RYR2: variants seen among roughly 807,000 people sequenced by gnomAD.
RYR2 encodes the protein cardiac muscle ryanodine receptor-calcium release channel.
Under a neutral mutation model 601.1 loss-of-function variants are expected in RYR2, and 227 were observed. The observed-to-expected ratio is 0.38, with a 90% confidence interval of 0.34 to 0.42. The LOEUF (loss-of-function observed/expected upper bound fraction) is 0.42, where lower values mean the gene tolerates loss of function less well. Ranked by LOEUF, RYR2 falls within the 10% of genes least tolerant of loss-of-function variation. The pLI is 1.00. For missense variants in RYR2, 4,646 were observed against 6,156.5 expected (o/e 0.75, Z 8.21); for synonymous variants, 2,223 against 2,175.1 (o/e 1.02, Z -0.61).
Position 237,614,460 on chromosome 1 carries a change from T to G in RYR2, c.5332T>G (p.Tyr1778Asp), listed in dbSNP as rs2148595965. 1 of 1,614,028 alleles carries G rather than the reference T, an allele frequency of 6.2e-7. No individual in the cohort carries two copies. Among genetic ancestry groups the G allele is most frequent in the African/African-American group, 1.3e-5 (1 of 75,038 alleles). Residue 1778 changes from tyrosine (Y) to aspartate (D), a missense_variant, in exon 37 of 105, where the codon TAC (tyrosine) becomes GAC (aspartate). Tyr to Asp is a radical substitution (Grantham distance 160). Transcript: ENST00000366574. This position sits in a 1 kb window ranked among gnomAD's most constrained non-coding sequence, Gnocchi z 4.3. ...AAGCATTAGTAATGAATGTTACCAGTACAGTCCAGAGTTCCCACTGGACAT... is the reference window on the plus strand; with the variant it reads ...AAGCATTAGTAATGAATGTTACCAGGACAGTCCAGAGTTCCCACTGGACAT... ...FVSISNECYQ[Y>D]SPEFPLDILK...
chr1:237,454,699 T>G, intron 15 of RYR2, 125 bp downstream of exon 15: 1 of 828,380 alleles, frequency 1.2e-6, no homozygotes, highest in Non-Finnish European at 1.9e-6. Context: ...GAAAGTATAC[T>G]ACTGAACAGG....
chr1:237,050,774 TGGGATATTG>T (rs1407013172), intron 1 of RYR2, among the ~76,000 whole-genome samples: 2 of 152,154 alleles, frequency 1.3e-5, no homozygotes, highest in Non-Finnish European at 2.9e-5. Flanking sequence ...TTGAGTCAAT[TGGGATATTG>T]TTAAAATGAA....
intron 1 of RYR2, among the ~76,000 whole-genome samples, chr1:237,050,219 ATGAG>A (rs1289958373): frequency 6.6e-6 from 1 of 152,188 alleles, no homozygotes; most frequent in African/African-American, 2.4e-5. Context: ...CCAACCGATG[ATGAG>A]TATCTGCCAA....
At position 237,783,687 on chromosome 1, in the gene RYR2, A is replaced by G; in HGVS notation, c.11975A>G (p.Asn3992Ser). ...LLSMLEGNVV[N>S]GTIGKQMVDM... ...GCTTTACCACCAGGTAATGTTGTTA[A>G]TGGAACGATTGGCAAACAGATGGTG... The change falls in exon 90 of 105, where the codon AAT (asparagine) becomes AGT (serine). Residue 3992 changes from asparagine (N) to serine (S), a missense_variant. By Grantham distance (46) the Asn-to-Ser change is conservative. Around this residue, in one of 17 missense-constraint regions of RYR2, gnomAD observed 90 missense variants for 213.3 expected, o/e 0.42. Transcript: ENST00000366574. 1 of 1,602,400 alleles carries G rather than the reference A, an allele frequency of 6.2e-7. No individual in the cohort carries two copies. Among genetic ancestry groups the G allele is most frequent in the Non-Finnish European group, 8.5e-7 (1 of 1,171,936 alleles).
chr1:237,308,895 A>T (rs1339825096), intron 2 of RYR2, among the ~76,000 whole-genome samples: 1 of 152,202 alleles, frequency 6.6e-6, no homozygotes, highest in African/African-American at 2.4e-5. Flanking sequence ...GGTCTGTCTT[A>T]TAGAGAGCTG....
At chr1:237,506,103 A>G (rs1014490310) in intron 22 of RYR2, among the ~76,000 whole-genome samples, 5 of 150,580 alleles carry the variant, frequency 3.3e-5, no homozygotes, top group African/African-American at 1.2e-4. Flanking sequence ...TAAATTATAC[A>G]TTCCTTGGTA....
intron 28 of RYR2, among the ~76,000 whole-genome samples, chr1:237,567,415 C>CAAAAAAA (rs3057438): frequency 1.8e-5 from 2 of 111,990 alleles, no homozygotes; most frequent in Non-Finnish European, 3.5e-5. Flanking sequence ...CCTGTCTCTA[C>CAAAAAAA]AAAAAAAAAA....
intron 49 of RYR2, 98 bp downstream of exon 49, chr1:237,648,711 G>A: frequency 1.5e-6 from 2 of 1,322,952 alleles, no homozygotes; most frequent in East Asian, 2.5e-5. Context: ...TATTGACAAT[G>A]AATGTTTATT....
intron 65 of RYR2, 101 bp from the exon 66 acceptor site, chr1:237,701,877 T>A: frequency 3.3e-6 from 2 of 609,538 alleles, no homozygotes; most frequent in African/African-American, 3.7e-5. Context: ...TATGGATGAA[T>A]AGTATATAGC....
chr1:237,197,079 T>G (rs12088313), intron 1 of RYR2, among the ~76,000 whole-genome samples: 4,740 of 152,258 alleles, frequency 0.031, 263 homozygotes, highest in African/African-American at 0.11. Flanking sequence ...CTGAAATATA[T>G]TAAGTAAAGT....
At chr1:237,545,129 C>T (rs780906744) in intron 25 of RYR2, among the ~76,000 whole-genome samples, 1 of 152,186 alleles carries the variant, frequency 6.6e-6, no homozygotes, top group Non-Finnish European at 1.5e-5. Flanking sequence ...TATTGGGCTA[C>T]TTAAACAGAT....
chr1:237,523,585 A>C (rs1159533367), intron 24 of RYR2, among the ~76,000 whole-genome samples: 1 of 152,182 alleles, frequency 6.6e-6, no homozygotes, highest in South Asian at 2.1e-4. Context: ...AAATACAAAA[A>C]AAGTAGCTGC....
In RYR2 at chr1:237,166,500, A is replaced by ATT. The variant is rs5781937; in HGVS notation, c.49-103989_49-103988dup. 3.4e-3 allele frequency among the ~76,000 whole-genome samples: 521 copies of ATT among 151,150 alleles called. 4 individuals carry two copies. The highest frequency in any genetic ancestry group is 4.7e-3 in the Non-Finnish European group (320 of 67,708). On this transcript the variant is annotated intron_variant, in intron 1 of 104. Transcript: ENST00000366574. ...GAGCCTAGATTTTTAAATTATTTGC[A>ATT]TTTTTTTTTAGAGTGAAACTCTATA...
chr1:237,348,924 A>G (rs1424070344), intron 3 of RYR2, among the ~76,000 whole-genome samples: 2 of 152,240 alleles, frequency 1.3e-5, no homozygotes, highest in African/African-American at 4.8e-5. Context: ...TGAAGAAAGG[A>G]TTCATGAACT....
intron 20 of RYR2, among the ~76,000 whole-genome samples, chr1:237,497,317 G>T (rs1410722239): frequency 6.6e-6 from 1 of 152,044 alleles, no homozygotes; most frequent in East Asian, 1.9e-4. Flanking sequence ...AAAGGAATAG[G>T]TCATTTCACC....
chr1:237,181,123 A>G (rs1356252921), intron 1 of RYR2, among the ~76,000 whole-genome samples: 3 of 152,006 alleles, frequency 2.0e-5, no homozygotes, highest in Non-Finnish European at 4.4e-5. Flanking sequence ...AGCTGGGATT[A>G]CAGGCACCTG....
chr1:237,687,560 T>G, intron 63 of RYR2, 56 bp downstream of exon 63: 1 of 1,325,092 alleles, frequency 7.5e-7, no homozygotes. Flanking sequence ...TTCTTTGCCA[T>G]TTTTGCACTG....
intron 1 of RYR2, among the ~76,000 whole-genome samples, chr1:237,173,607 G>A (rs1274048560): frequency 6.6e-6 from 1 of 152,202 alleles, no homozygotes; most frequent in Non-Finnish European, 1.5e-5. Context: ...TCACCTTGGA[G>A]TGACTGATCT....
At chr1:237,688,198 T>G (rs1686609667) in intron 63 of RYR2, among the ~76,000 whole-genome samples, 1 of 152,252 alleles carries the variant, frequency 6.6e-6, no homozygotes, top group South Asian at 2.1e-4. Context: ...TTTCACACTT[T>G]CCTGCATCCG....
Sources: allele counts gnomAD v4.1 joint callset (sites outside exome capture counted in the v4.1 genomes callset), GRCh38; gene constraint gnomAD v4.1.1; regional missense constraint gnomAD v4.1.1; non-coding constraint Gnocchi (gnomAD v3.1); transcripts MANE v1.5; gene names NCBI Gene and HGNC (gene_info 2026-07-23, HGNC 2026-07-21).